Variants in OLFM3 observed in about 807,000 individuals in gnomAD.
The protein encoded by OLFM3 is noelin-3.
OLFM3 carries 20 observed loss-of-function variants against 48.6 expected under a neutral mutation model. The ratio of observed to expected loss-of-function variants is 0.41; its 90% CI spans 0.29 to 0.60. The LOEUF (loss-of-function observed/expected upper bound fraction) is 0.60, where lower values mean the gene tolerates loss of function less well. Ranked by LOEUF, OLFM3 falls within the 20% of genes least tolerant of loss-of-function variation. The pLI is 0.28. For missense variants in OLFM3, 437 were observed against 544.3 expected, an observed-to-expected ratio of 0.80 and a Z score of 1.96; for synonymous variants, 222 against 198.1, an observed-to-expected ratio of 1.12 and a Z score of -1.01.
At chr1:101,887,161 G>C (rs1000209712) in intron 1 of OLFM3, among the ~76,000 whole-genome samples, 6 of 150,956 alleles carry the variant, frequency 4.0e-5, no homozygotes, top group Non-Finnish European at 8.8e-5. Context: ...TGGTGAGTGA[G>C]GTTATACAAA....
intron 1 of OLFM3, among the ~76,000 whole-genome samples, chr1:101,987,377 G>A (rs575910101): frequency 1.3e-5 from 2 of 152,246 alleles, no homozygotes; most frequent in Admixed American, 1.3e-4. Flanking sequence ...AACTTATAAA[G>A]AGTAGAATAT....
In OLFM3 at chr1:101,973,469, T is replaced by C. The variant is rs117364419; in HGVS notation, c.69+23279A>G. On this transcript the variant is annotated intron_variant, in intron 1 of 5. Transcript: ENST00000370103. ...TCTACTGAGTTTACTGATTTAAATA[T>C]TAAACTTTTCTGGAAAAATATTCAC... Among the ~76,000 whole-genome samples the C allele has an allele frequency of 8.5e-5, 13 of 152,344 alleles. No homozygotes were observed. In the East Asian group the frequency reaches 1.5e-3, roughly 18 times the overall value.
intron 1 of OLFM3, among the ~76,000 whole-genome samples, chr1:101,989,616 T>C (rs777204365): frequency 6.6e-6 from 1 of 152,114 alleles, no homozygotes; most frequent in Non-Finnish European, 1.5e-5. Flanking sequence ...ATTATTTGCA[T>C]GTTGAGTATA....
chr1:101,853,102 G>A (rs970340911), intron 1 of OLFM3, among the ~76,000 whole-genome samples: 3 of 151,944 alleles, frequency 2.0e-5, no homozygotes, highest in African/African-American at 7.2e-5. Context: ...TCTTTCTCAT[G>A]GTGAAGGTCA....
chr1:101,944,249 C>T (rs900832201), intron 1 of OLFM3, among the ~76,000 whole-genome samples: 2 of 152,004 alleles, frequency 1.3e-5, no homozygotes, highest in Admixed American at 6.6e-5. Context: ...GCTTACTTTA[C>T]ATTAAGGTCA....
intron 5 of OLFM3, among the ~76,000 whole-genome samples, chr1:101,805,447 A>G (rs764773505): frequency 6.6e-6 from 1 of 151,846 alleles, no homozygotes; most frequent in Non-Finnish European, 1.5e-5. Flanking sequence ...CTTAATAACT[A>G]ACCTCATTTA....
intron 1 of OLFM3, among the ~76,000 whole-genome samples, chr1:101,928,223 G>T (rs1278250454): frequency 6.6e-6 from 1 of 152,126 alleles, no homozygotes; most frequent in African/African-American, 2.4e-5. Context: ...TTTGACCACT[G>T]CCGTGGGAAT....
At chr1:101,895,027 A>G (rs1354593473) in intron 1 of OLFM3, among the ~76,000 whole-genome samples, 1 of 152,046 alleles carries the variant, frequency 6.6e-6, no homozygotes, top group East Asian at 1.9e-4. Flanking sequence ...ATACTCATAA[A>G]TGTAAACACC....
intron 1 of OLFM3, among the ~76,000 whole-genome samples, chr1:101,932,076 T>C (rs867983923): frequency 6.6e-6 from 1 of 152,200 alleles, no homozygotes. Context: ...ATAAAAAGTG[T>C]AGAGTGTGAT....
intron 1 of OLFM3, among the ~76,000 whole-genome samples, chr1:101,891,883 A>T (rs1658012853): frequency 6.6e-6 from 1 of 151,998 alleles, no homozygotes; most frequent in Admixed American, 6.6e-5. Context: ...TGGAATTGCC[A>T]TTTTTAAAAA....
At chr1:101,877,056 G>A (rs1405148652) in intron 1 of OLFM3, among the ~76,000 whole-genome samples, 2 of 151,920 alleles carry the variant, frequency 1.3e-5, no homozygotes, top group Non-Finnish European at 2.9e-5. Context: ...CCATTTTGAA[G>A]AACAAATGAG....
chr1:101,859,251 T>C (rs1046443658), intron 1 of OLFM3, among the ~76,000 whole-genome samples: 4 of 152,030 alleles, frequency 2.6e-5, no homozygotes, highest in Admixed American at 6.5e-5. Flanking sequence ...AGGAAGAAAC[T>C]GATGATACCA....
intron 1 of OLFM3, among the ~76,000 whole-genome samples, chr1:101,967,556 G>A (rs934154947): frequency 2.0e-4 from 25 of 123,868 alleles, no homozygotes; most frequent in Non-Finnish European, 3.3e-4. Context: ...GTGACTGCTC[G>A]AGGTCCTGCC....
chr1:101,927,836 T>G (rs1243091564), intron 1 of OLFM3, among the ~76,000 whole-genome samples: 1 of 151,176 alleles, frequency 6.6e-6, no homozygotes, highest in Non-Finnish European at 1.5e-5. Flanking sequence ...AGACTATTGG[T>G]GGTGGTAGAT....
intron 1 of OLFM3, among the ~76,000 whole-genome samples, chr1:101,991,424 A>C (rs12404453): frequency 0.25 from 37,605 of 151,914 alleles, 5,215 homozygotes; most frequent in Middle Eastern, 0.36. Flanking sequence ...TCTTAGCTGA[A>C]GGTTTATCCA....
At chr1:101,825,669 T>C (rs1654828077) in intron 3 of OLFM3, among the ~76,000 whole-genome samples, 1 of 152,198 alleles carries the variant, frequency 6.6e-6, no homozygotes, top group African/African-American at 2.4e-5. Context: ...CAATACCCTA[T>C]GATTGTTCAG....
At chr1:101,919,556 T>G (rs758407310) in intron 1 of OLFM3, among the ~76,000 whole-genome samples, 1 of 152,140 alleles carries the variant, frequency 6.6e-6, no homozygotes, top group African/African-American at 2.4e-5. Context: ...CTCTCTTGAT[T>G]TTCATACTAT....
chr1:101,839,877 C>A (rs1432660324), intron 1 of OLFM3, among the ~76,000 whole-genome samples: 1 of 152,200 alleles, frequency 6.6e-6, no homozygotes, highest in Non-Finnish European at 1.5e-5. Context: ...ATGACCTTCT[C>A]TACTACAGAG....
chr1:101,885,361 C>T (rs1200831544), intron 1 of OLFM3, among the ~76,000 whole-genome samples: 1 of 151,898 alleles, frequency 6.6e-6, no homozygotes, highest in Non-Finnish European at 1.5e-5. Flanking sequence ...ATGACATGGT[C>T]CCTTCTATGA....
Sources: gnomAD v4.1 joint callset for allele counts (sites outside exome capture counted in the v4.1 genomes callset) on GRCh38, gnomAD v4.1.1 for gene constraint, MANE v1.5 for transcripts, NCBI Gene and HGNC (gene_info 2026-07-23, HGNC 2026-07-21) for gene names.